Variants in WDFY1 observed in about 807,000 individuals in gnomAD.
WDFY1 encodes WD repeat and FYVE domain containing 1.
A neutral mutation model predicts 56.4 loss-of-function variants in WDFY1; 32 were observed. The ratio of observed to expected loss-of-function variants is 0.57; its 90% CI spans 0.43 to 0.76. WDFY1 has a LOEUF of 0.76. WDFY1 is among the 30% of genes least tolerant of loss of function. WDFY1 has a pLI of 0.00. For synonymous variants in WDFY1, 192 were observed against 197.3 expected (o/e 0.97, Z 0.23); for missense variants, 480 against 545.7 (o/e 0.88, Z 1.20).
intron 3 of WDFY1, among the ~76,000 whole-genome samples, chr2:223,910,292 T>A (rs1370552724): frequency 6.6e-6 from 1 of 152,128 alleles, no homozygotes; most frequent in Non-Finnish European, 1.5e-5. Context: ...AAAGCTAAAC[T>A]ATAAAACTCT....
Position 223,880,231 on chromosome 2 carries a change from G to T in WDFY1, c.1066C>A (p.Arg356=). The change falls in exon 11 of 12, where the codon CGG becomes AGG. Residue 356 remains arginine, a splice_region_variant and synonymous_variant. Transcript: ENST00000233055. ...SCYDSIKDED[R]TSLATFHEGK... is the part of the protein sequence containing the mutation. Reference sequence around the variant, plus strand: ...TCATGAAAGGTCGCTAGAGAAGTCCGACTAACAAGAGAAAAGAGATCACTG... The same window carrying T: ...TCATGAAAGGTCGCTAGAGAAGTCCTACTAACAAGAGAAAAGAGATCACTG... 6.2e-7 allele frequency: 1 copy of T among 1,613,650 alleles called. No individual in the cohort carries two copies. Among genetic ancestry groups the T allele is most frequent in the South Asian group, 1.1e-5 (1 of 91,044 alleles).
intron 3 of WDFY1, among the ~76,000 whole-genome samples, chr2:223,910,803 C>T (rs559129708): frequency 6.0e-4 from 91 of 152,190 alleles, no homozygotes; most frequent in South Asian, 5.8e-3. Flanking sequence ...GGAAACCTTG[C>T]GTGTTGCTGG....
At chr2:223,930,198 T>C (rs969881683) in intron 1 of WDFY1, among the ~76,000 whole-genome samples, 1 of 152,194 alleles carries the variant, frequency 6.6e-6, no homozygotes, top group African/African-American at 2.4e-5. Flanking sequence ...GCGTGCGATA[T>C]TGTATGTAAG....
At chr2:223,898,539 G>A (rs566376230) in intron 6 of WDFY1, among the ~76,000 whole-genome samples, 11 of 152,010 alleles carry the variant, frequency 7.2e-5, no homozygotes, top group Non-Finnish European at 1.5e-4. Context: ...AGCTAGGGGT[G>A]GAATTACAGG....
chr2:223,882,908 T>C (rs538970621), intron 9 of WDFY1, among the ~76,000 whole-genome samples: 1 of 152,224 alleles, frequency 6.6e-6, no homozygotes, highest in East Asian at 1.9e-4. Context: ...TTTGATTTTT[T>C]TGCAGAGACA....
At chr2:223,894,362 T>C in intron 7 of WDFY1, 23 bp from the exon 8 acceptor site, 3 of 1,612,662 alleles carry the variant, frequency 1.9e-6, no homozygotes, top group Non-Finnish European at 1.7e-6. Flanking sequence ...CACACAACAG[T>C]CACTTGTCTC....
intron 8 of WDFY1, among the ~76,000 whole-genome samples, chr2:223,890,579 A>T (rs1693252463): frequency 6.6e-6 from 1 of 152,220 alleles, no homozygotes; most frequent in Admixed American, 6.5e-5. Flanking sequence ...AGCCATCCTT[A>T]TACTTATTAT....
rs772055633 is a variant in WDFY1 at position 223,884,544 on chromosome 2, T to C, written c.933+104A>G. The C allele has an allele frequency of 8.0e-5, 82 of 1,027,072 alleles. No individual in the cohort carries two copies. The Admixed American group carries it at 8.1e-4, about 10-fold the overall frequency. 63.6% of individuals were successfully genotyped at this position (1,027,072 alleles called of 1,614,324 possible). On this transcript the variant is annotated intron_variant, in intron 9 of 11. Coordinates refer to ENST00000233055, the MANE Select transcript of WDFY1 (RefSeq NM_020830.5). ...AAGACATAGAAAATGTAGGAATTAA[T>C]AGCATTTGCAAAAACAAAGTGTGTT...
chr2:223,913,111 G>T (rs1056057408), intron 2 of WDFY1, among the ~76,000 whole-genome samples: 16 of 151,764 alleles, frequency 1.1e-4, no homozygotes, highest in African/African-American at 3.9e-4. Flanking sequence ...TGGGTAGGGT[G>T]GCTCATGCCT....
chr2:223,916,661 T>G (rs967006456), intron 2 of WDFY1, among the ~76,000 whole-genome samples: 5 of 152,138 alleles, frequency 3.3e-5, no homozygotes, highest in African/African-American at 1.2e-4. Context: ...GACTCCCCAT[T>G]TGAACTTTGA....
chr2:223,937,168 G>A (rs1694178957), intron 1 of WDFY1, among the ~76,000 whole-genome samples: 1 of 152,208 alleles, frequency 6.6e-6, no homozygotes, highest in Admixed American at 6.5e-5. Flanking sequence ...GAAAAGGCAT[G>A]ACTCAAAGGC....
chr2:223,920,148 A>G (rs1466133661), intron 1 of WDFY1, among the ~76,000 whole-genome samples: 1 of 152,254 alleles, frequency 6.6e-6, no homozygotes, highest in African/African-American at 2.4e-5. Flanking sequence ...AATATTTTCA[A>G]TGCAAACTTG....
chr2:223,909,608 C>G (rs1323071079), intron 3 of WDFY1, among the ~76,000 whole-genome samples: 1 of 152,098 alleles, frequency 6.6e-6, no homozygotes, highest in Non-Finnish European at 1.5e-5. Context: ...CTCCCTCCAA[C>G]TGCCTCCCCC....
intron 5 of WDFY1, among the ~76,000 whole-genome samples, chr2:223,900,281 C>T (rs531437845): frequency 6.6e-6 from 1 of 152,290 alleles, no homozygotes; most frequent in East Asian, 1.9e-4. Context: ...CATACTATAT[C>T]AGAGTATTTT....
At chr2:223,887,667 TTAAAA>T (rs1437361225) in intron 8 of WDFY1, among the ~76,000 whole-genome samples, 5 of 152,236 alleles carry the variant, frequency 3.3e-5, no homozygotes, top group African/African-American at 4.8e-5. Flanking sequence ...TAAGTATTAC[TTAAAA>T]TAAAAATCTT....
At chr2:223,896,332 C>T (rs1461816666) in intron 6 of WDFY1, among the ~76,000 whole-genome samples, 1 of 46,236 alleles carries the variant, frequency 2.2e-5, no homozygotes, top group Non-Finnish European at 4.8e-5. Context: ...CTGTGTCCAA[C>T]CTACACAAGA....
chr2:223,928,634 A>G (rs1694023903), intron 1 of WDFY1, among the ~76,000 whole-genome samples: 1 of 152,230 alleles, frequency 6.6e-6, no homozygotes, highest in Non-Finnish European at 1.5e-5. Flanking sequence ...ACTCCCTAAG[A>G]GTCTATCCTT....
At chr2:223,931,814 T>C (rs1473717446) in intron 1 of WDFY1, among the ~76,000 whole-genome samples, 2 of 151,990 alleles carry the variant, frequency 1.3e-5, no homozygotes, top group East Asian at 1.9e-4. Context: ...GCTTCCCAAG[T>C]AGCTGGGACT....
intron 1 of WDFY1, among the ~76,000 whole-genome samples, chr2:223,932,394 T>A (rs181660606): frequency 7.2e-5 from 11 of 152,286 alleles, no homozygotes; most frequent in Admixed American, 5.2e-4. Context: ...AGTGCTGGGA[T>A]TACAGGCATG....
Sources: allele counts gnomAD v4.1 joint callset (sites outside exome capture counted in the v4.1 genomes callset), GRCh38; gene constraint gnomAD v4.1.1; transcripts MANE v1.5; gene names NCBI Gene and HGNC (gene_info 2026-07-23, HGNC 2026-07-21).